The following MSR1 variants were observed in gnomAD, a reference collection of about 807,000 sequenced individuals.
MSR1 encodes macrophage scavenger receptor 1, also known as macrophage scavenger receptor types I and II.
Under a neutral mutation model 47.2 loss-of-function variants are expected in MSR1, and 53 were observed. That is an observed-to-expected ratio of 1.12 (90% CI 0.90 to 1.41). The LOEUF (loss-of-function observed/expected upper bound fraction) is 1.41. MSR1 is among the 40% of genes most tolerant of loss of function. The probability of loss-of-function intolerance (pLI) is 0.00; values close to 1 mark genes in which losing one functional copy is unlikely to be tolerated. For missense variants in MSR1, 786 were observed against 546.9 expected (o/e 1.44, Z -4.36); for synonymous variants, 239 against 185.6 (o/e 1.29, Z -2.34).
At chr8:16,129,805 G>C (rs1216344035) in intron 8 of MSR1, among the ~76,000 whole-genome samples, 1 of 152,078 alleles carries the variant, frequency 6.6e-6, no homozygotes, top group Admixed American at 6.6e-5. Flanking sequence ...GAGACGATCG[G>C]CTGAAGGGGG....
intron 7 of MSR1, among the ~76,000 whole-genome samples, chr8:16,148,437 T>C (rs1313412659): frequency 6.6e-6 from 1 of 152,124 alleles, no homozygotes; most frequent in East Asian, 1.9e-4. Flanking sequence ...CATTAATGTT[T>C]ATAGCTGCTT....
rs570236750 is a variant in MSR1 at position 16,179,412 on chromosome 8, G to GA, written c.-4-1421dup. ...CTTGTCCATATCAACATAGGATTCA[G>GA]AAAAAACAGTTCTCAGAAATGATGC... On this transcript the variant is annotated intron_variant, in intron 1 of 9. Transcript: ENST00000262101. Among the ~76,000 whole-genome samples the GA allele has an allele frequency of 3.9e-5, 6 of 152,222 alleles. No homozygotes were observed. In the South Asian group the frequency reaches 1.2e-3, roughly 32 times the overall value.
At chr8:16,185,456 T>C (rs1801967313) in intron 1 of MSR1, among the ~76,000 whole-genome samples, 1 of 152,216 alleles carries the variant, frequency 6.6e-6, no homozygotes, top group African/African-American at 2.4e-5. Context: ...ACATCATCTA[T>C]TTATTATCAT....
chr8:16,140,290 A>G, intron 8 of MSR1: 1 of 984,506 alleles, frequency 1.0e-6, no homozygotes, highest in Non-Finnish European at 1.2e-6. Flanking sequence ...AACAAGAAAA[A>G]GAAAAAAAAA....
chr8:16,178,948 A>T (rs956480240), intron 1 of MSR1, among the ~76,000 whole-genome samples: 1 of 152,176 alleles, frequency 6.6e-6, no homozygotes, highest in African/African-American at 2.4e-5. Context: ...AAAAAACCAT[A>T]ATTAGTTAAA....
chr8:16,169,956 G>C (rs772535245), intron 3 of MSR1, among the ~76,000 whole-genome samples: 7 of 152,054 alleles, frequency 4.6e-5, no homozygotes, highest in Middle Eastern at 3.4e-3. Flanking sequence ...ATCCCCAAAT[G>C]GGCATATGTT....
intron 6 of MSR1, among the ~76,000 whole-genome samples, chr8:16,150,784 C>G (rs1800833833): frequency 6.6e-6 from 1 of 151,668 alleles, no homozygotes; most frequent in South Asian, 2.1e-4. Context: ...AAATATATTA[C>G]TTTATCTATC....
intron 8 of MSR1, among the ~76,000 whole-genome samples, chr8:16,121,373 T>C (rs2117064258): frequency 6.6e-6 from 1 of 152,252 alleles, no homozygotes; most frequent in Middle Eastern, 3.4e-3. Context: ...TAAACTTTTG[T>C]AAAATCTTGA....
chr8:16,189,997 C>T (rs997925316), intron 1 of MSR1, among the ~76,000 whole-genome samples: 2 of 146,618 alleles, frequency 1.4e-5, no homozygotes, highest in Admixed American at 1.4e-4. Context: ...TGACTGAAAC[C>T]TCTGCCTCCT....
At chr8:16,150,494 C>A (rs1585163577) in intron 6 of MSR1, among the ~76,000 whole-genome samples, 183 bp from the exon 7 acceptor site, 1 of 151,888 alleles carries the variant, frequency 6.6e-6, no homozygotes. Flanking sequence ...TAAATATAAA[C>A]CTTAGTACAT....
intron 6 of MSR1, among the ~76,000 whole-genome samples, chr8:16,152,967 T>C (rs1800901582): frequency 6.6e-6 from 1 of 152,088 alleles, no homozygotes; most frequent in South Asian, 2.1e-4. Context: ...AATAGCCCTC[T>C]AAAATAAATT....
At chr8:16,169,776 T>C (rs1367680194) in intron 3 of MSR1, among the ~76,000 whole-genome samples, 1 of 152,126 alleles carries the variant, frequency 6.6e-6, no homozygotes, top group Non-Finnish European at 1.5e-5. Context: ...TTGTAGTATA[T>C]GTATGGATCT....
chr8:16,117,507 G>C (rs1406353525), intron 9 of MSR1, among the ~76,000 whole-genome samples: 1 of 152,166 alleles, frequency 6.6e-6, no homozygotes, highest in Non-Finnish European at 1.5e-5. Flanking sequence ...TCGAAAGTGA[G>C]TTGATGTACT....
chr8:16,155,111 C>G lies in MSR1; in HGVS notation c.851G>C (p.Arg284Pro). 1 of 1,612,164 alleles carries G rather than the reference C, an allele frequency of 6.2e-7. No homozygotes were observed. Among genetic ancestry groups the G allele is most frequent in the Non-Finnish European group, 8.5e-7 (1 of 1,178,784 alleles). ...TGGACCACTTTCTCCAGTGGGACCT[C>G]GATCTCCTTTTTCACCCGGGGGTCC... Reference protein sequence around the residue: ...PPGPPGEKGDRGPTGESGPRG... With the variant: ...PPGPPGEKGDPGPTGESGPRG... Residue 284 changes from arginine (R) to proline (P), a missense_variant, in exon 6 of 10, where the codon CGA becomes CCA. Physicochemically the swap from Arg to Pro is moderately radical, Grantham distance 103. Transcript: ENST00000262101.
intron 6 of MSR1, among the ~76,000 whole-genome samples, chr8:16,152,439 T>C (rs1435562279): frequency 6.6e-6 from 1 of 152,096 alleles, no homozygotes; most frequent in African/African-American, 2.4e-5. Context: ...TTCCAATATC[T>C]ATGGGTAAGA....
intron 1 of MSR1, among the ~76,000 whole-genome samples, chr8:16,187,067 G>T (rs939020823): frequency 4.0e-5 from 6 of 151,858 alleles, no homozygotes; most frequent in African/African-American, 1.2e-4. Flanking sequence ...TCTCACTCAG[G>T]CCGTCATTAA....
intron 1 of MSR1, among the ~76,000 whole-genome samples, chr8:16,179,320 G>C (rs1439333530): frequency 6.6e-6 from 1 of 152,108 alleles, no homozygotes; most frequent in Admixed American, 6.5e-5. Context: ...GAGAGGATTT[G>C]GGAACTATGC....
intron 6 of MSR1, among the ~76,000 whole-genome samples, chr8:16,151,739 T>C (rs1457035280): frequency 6.6e-6 from 1 of 152,108 alleles, no homozygotes; most frequent in Non-Finnish European, 1.5e-5. Flanking sequence ...ACCAGAGTGA[T>C]CAAATCACTT....
rs117955817 is a variant in MSR1 at position 16,162,600 on chromosome 8, C to T, written c.817+1465G>A. On this transcript the variant is annotated intron_variant, in intron 5 of 9. Transcript: ENST00000262101. ...ATTTATTAACAAAAGCAGGAAAATA[C>T]GTTGCAAGGAGGCAATGAGCAGGCC... Among the ~76,000 whole-genome samples, 103 of 152,022 alleles carry T rather than the reference C, an allele frequency of 6.8e-4. 2 individuals carry two copies. The East Asian group carries it at 0.014, about 21-fold the overall frequency.
Sources: allele counts gnomAD v4.1 joint callset (sites outside exome capture counted in the v4.1 genomes callset), GRCh38; gene constraint gnomAD v4.1.1; transcripts MANE v1.5; gene names NCBI Gene and HGNC (gene_info 2026-07-23, HGNC 2026-07-21).